MYO16: variants seen among roughly 807,000 people sequenced by gnomAD.
The protein encoded by MYO16 is unconventional myosin-XVI.
A neutral mutation model predicts 205.3 loss-of-function variants in MYO16; 94 were observed. The ratio of observed to expected loss-of-function variants is 0.46; its 90% CI spans 0.39 to 0.54. The LOEUF (loss-of-function observed/expected upper bound fraction) is 0.54. Ranked by LOEUF, MYO16 falls within the 20% of genes least tolerant of loss-of-function variation. The pLI, the probability that MYO16 is intolerant of heterozygous loss-of-function variation, is 0.00. For missense variants in MYO16, 2,315 were observed against 2,387.5 expected (o/e 0.97, Z 0.63); for synonymous variants, 988 against 954.0 (o/e 1.04, Z -0.66).
At chr13:109,205,207 CT>C (rs1214993915) in intron 34 of MYO16, among the ~76,000 whole-genome samples, 4 of 152,164 alleles carry the variant, frequency 2.6e-5, no homozygotes, top group African/African-American at 9.6e-5. Context: ...GGGGAGGCTC[CT>C]TTTACTAATA....
chr13:108,901,310 T>G (rs1030667539), intron 15 of MYO16, among the ~76,000 whole-genome samples: 2 of 152,182 alleles, frequency 1.3e-5, no homozygotes, highest in African/African-American at 4.8e-5. Flanking sequence ...TAATAAAAAC[T>G]TGCTGGTTTT....
At chr13:108,972,208 T>TCTCC (rs1884044824) in intron 20 of MYO16, among the ~76,000 whole-genome samples, 1 of 5,392 alleles carries the variant, frequency 1.9e-4, no homozygotes, top group Non-Finnish European at 3.5e-4. Flanking sequence ...AGACCCTGTC[T>TCTCC]CTCTCTCTCT....
At chr13:108,887,889 T>G (rs1008101109) in intron 13 of MYO16, among the ~76,000 whole-genome samples, 4 of 151,874 alleles carry the variant, frequency 2.6e-5, no homozygotes, top group African/African-American at 9.7e-5. Context: ...GTAAGGCCCA[T>G]GAAGCATGAA....
chr13:109,134,940 C>G (rs781351353), intron 31 of MYO16, among the ~76,000 whole-genome samples: 1 of 152,168 alleles, frequency 6.6e-6, no homozygotes, highest in Non-Finnish European at 1.5e-5. Context: ...ATACTCACCC[C>G]TACCCCAGAC....
At chr13:109,193,296 G>A (rs1880005867) in intron 34 of MYO16, among the ~76,000 whole-genome samples, 1 of 152,164 alleles carries the variant, frequency 6.6e-6, no homozygotes, top group Admixed American at 6.5e-5. Context: ...AATAGGTTCA[G>A]CATTTTCTGA....
At chr13:108,561,381 T>A in the MYO16 span, among the ~76,000 whole-genome samples, 9 of 152,250 alleles carry the variant, frequency 5.9e-5, no homozygotes, top group Non-Finnish European at 1.3e-4. Flanking sequence ...GTTTGCCAGA[T>A]CCTGGCAAAA....
chr13:108,798,721 T>TTTTTAC (rs1886874945), intron 6 of MYO16, among the ~76,000 whole-genome samples: 1 of 100,468 alleles, frequency 1.0e-5, no homozygotes, highest in Non-Finnish European at 1.9e-5. Flanking sequence ...TTTTTTGAGA[T>TTTTTAC]GGAGTCTCGC....
chr13:109,076,050 T>C (rs1257774766), intron 27 of MYO16, among the ~76,000 whole-genome samples: 4 of 152,208 alleles, frequency 2.6e-5, no homozygotes, highest in Non-Finnish European at 5.9e-5. Context: ...GTTGTGAATT[T>C]CTGTGAGTGG....
At chr13:108,545,622 G>A in the MYO16 span, among the ~76,000 whole-genome samples, 1 of 152,160 alleles carries the variant, frequency 6.6e-6, no homozygotes, top group African/African-American at 2.4e-5. Flanking sequence ...CACCAGCAGT[G>A]TACATGCATT....
chr13:108,991,276 A>C (rs1480708847), intron 20 of MYO16, among the ~76,000 whole-genome samples: 1 of 151,956 alleles, frequency 6.6e-6, no homozygotes, highest in Non-Finnish European at 1.5e-5. Flanking sequence ...GGCCTGTCTT[A>C]CATCTTTCCT....
intron 5 of MYO16, among the ~76,000 whole-genome samples, chr13:108,786,413 A>T (rs1011532507): frequency 6.6e-6 from 1 of 152,222 alleles, no homozygotes; most frequent in African/African-American, 2.4e-5. Context: ...AAACTAAAGA[A>T]TTATGCCCCT....
intron 1 of MYO16, among the ~76,000 whole-genome samples, chr13:108,657,302 A>T (rs1282452853): frequency 6.6e-6 from 1 of 152,194 alleles, no homozygotes; most frequent in African/African-American, 2.4e-5. Context: ...CTAAGTGTCT[A>T]TTCCTCTACC....
chr13:108,905,769 A>G (rs202143108), intron 15 of MYO16, among the ~76,000 whole-genome samples: 1 of 151,766 alleles, frequency 6.6e-6, no homozygotes. Flanking sequence ...TCAGGAGCTT[A>G]CTTTTCTTAA....
At chr13:108,729,506 T>C (rs990583829) in intron 4 of MYO16, among the ~76,000 whole-genome samples, 1 of 152,170 alleles carries the variant, frequency 6.6e-6, no homozygotes, top group Admixed American at 6.6e-5. Context: ...TGATTTCTTT[T>C]TTTCTAAATA....
intron 21 of MYO16, among the ~76,000 whole-genome samples, chr13:109,007,372 G>A (rs369690665): frequency 3.0e-4 from 46 of 151,486 alleles, no homozygotes; most frequent in East Asian, 1.8e-3. Context: ...TGGGCGACAG[G>A]GCGAGACTCC....
intron 29 of MYO16, among the ~76,000 whole-genome samples, chr13:109,121,798 G>A (rs1028475882): frequency 1.3e-5 from 2 of 152,226 alleles, no homozygotes; most frequent in Admixed American, 6.5e-5. Flanking sequence ...ACCAGGCTGA[G>A]GCAAGGGGAA....
At chr13:108,621,217 T>G (rs1489357212) in intron 1 of MYO16, among the ~76,000 whole-genome samples, 1 of 152,080 alleles carries the variant, frequency 6.6e-6, no homozygotes, top group East Asian at 1.9e-4. Context: ...TGTTTCCCAG[T>G]GTATAATCTT....
intron 20 of MYO16, among the ~76,000 whole-genome samples, chr13:108,966,846 T>G (rs1447670205): frequency 6.6e-6 from 1 of 152,164 alleles, no homozygotes; most frequent in Non-Finnish European, 1.5e-5. Context: ...ATAGGCCCAT[T>G]TCCTAAGTCA....
chr13:108,632,224 G>A (rs1368534219), intron 1 of MYO16, among the ~76,000 whole-genome samples: 2 of 152,126 alleles, frequency 1.3e-5, no homozygotes, highest in Non-Finnish European at 2.9e-5. Flanking sequence ...TGATCTGCTG[G>A]CGAGGTTCAT....
Sources: allele counts gnomAD v4.1 joint callset (sites outside exome capture counted in the v4.1 genomes callset), GRCh38; gene constraint gnomAD v4.1.1; transcripts MANE v1.5; gene names NCBI Gene and HGNC (gene_info 2026-07-23, HGNC 2026-07-21).